Variants in PITPNM3 observed in about 807,000 individuals in gnomAD.
PITPNM3 encodes the protein membrane-associated phosphatidylinositol transfer protein 3.
Under a neutral mutation model 102.0 loss-of-function variants are expected in PITPNM3, and 26 were observed. The ratio of observed to expected loss-of-function variants is 0.25; its 90% confidence interval spans 0.19 to 0.35. The LOEUF (loss-of-function observed/expected upper bound fraction) is 0.35. Among genes scored for constraint, PITPNM3 ranks in the 10% least tolerant of loss-of-function variants. PITPNM3 has a pLI of 1.00. For missense variants in PITPNM3, 1,083 were observed against 1,346.1 expected (o/e 0.80, Z 3.06); for synonymous variants, 578 against 558.6 (o/e 1.03, Z -0.49).
chr17:6,494,332 G>A (rs1244916650), intron 4 of PITPNM3, among the ~76,000 whole-genome samples: 3 of 152,150 alleles, frequency 2.0e-5, no homozygotes, highest in African/African-American at 7.2e-5. Flanking sequence ...GGAGACTCTT[G>A]GCAGGGAAGA....
intron 2 of PITPNM3, among the ~76,000 whole-genome samples, chr17:6,531,046 T>C (rs1909117718): frequency 1.3e-5 from 2 of 152,220 alleles, no homozygotes; most frequent in Non-Finnish European, 2.9e-5. Flanking sequence ...GCACTCCCAG[T>C]AACACTATCT....
intron 4 of PITPNM3, 109 bp downstream of exon 4, chr17:6,503,418 G>T (rs1907302584): frequency 3.1e-6 from 4 of 1,277,306 alleles, no homozygotes; most frequent in South Asian, 1.2e-5. Context: ...AGATGGCAGG[G>T]ATCCTGCCAT....
intron 1 of PITPNM3, among the ~76,000 whole-genome samples, chr17:6,551,460 C>T (rs1220143819): frequency 6.6e-6 from 1 of 152,110 alleles, no homozygotes; most frequent in African/African-American, 2.4e-5. Flanking sequence ...AGTGAGTTTA[C>T]CATCTCCTTG....
At chr17:6,532,348 T>A (rs777839399) in intron 2 of PITPNM3, among the ~76,000 whole-genome samples, 46 of 152,238 alleles carry the variant, frequency 3.0e-4, no homozygotes, top group Non-Finnish European at 2.4e-4. Context: ...ATAATTGACA[T>A]TCCATCAACT....
At chr17:6,540,722 G>A (rs368352756) in intron 1 of PITPNM3, among the ~76,000 whole-genome samples, 7 of 152,250 alleles carry the variant, frequency 4.6e-5, no homozygotes, top group Admixed American at 2.6e-4. Context: ...GCAATGGTGC[G>A]ATCTTGGCTC....
intron 12 of PITPNM3, 69 bp downstream of exon 12, chr17:6,471,092 C>T: frequency 6.4e-7 from 1 of 1,571,306 alleles, no homozygotes. Flanking sequence ...TAGCAGTGGC[C>T]CAGCAAACAC....
intron 4 of PITPNM3, among the ~76,000 whole-genome samples, chr17:6,491,304 C>G (rs1280772051): frequency 6.6e-6 from 1 of 152,134 alleles, no homozygotes; most frequent in Non-Finnish European, 1.5e-5. Flanking sequence ...ATCTAAGGAA[C>G]CCATAGCTCT....
rs1023648584 is a variant in PITPNM3 at position 6,470,684 on chromosome 17, G to A, written c.1625-276C>T. Among the ~76,000 whole-genome samples, 28 of 152,138 alleles carry A rather than the reference G, an allele frequency of 1.8e-4. No individual in the cohort carries two copies. The highest frequency in any genetic ancestry group is 6.3e-4 in the African/African-American group (26 of 41,434). The stretch of plus-strand genomic sequence containing the variant: ...GACGTCCACAGTCTCACCCAGGGCC[G>A]CCGCTCAGTGGCAGTTCCCAGTGGG... On this transcript the variant is annotated intron_variant, in intron 12 of 19. Coordinates refer to ENST00000262483, the MANE Select transcript of PITPNM3 (RefSeq NM_031220.4). This position sits in a 1 kb window ranked among gnomAD's most constrained non-coding sequence, Gnocchi z 4.8.
chr17:6,485,634 A>T, intron 4 of PITPNM3, among the ~76,000 whole-genome samples: 1 of 152,236 alleles, frequency 6.6e-6, no homozygotes, highest in Non-Finnish European at 1.5e-5. Flanking sequence ...CAGAGAGTTA[A>T]GGTCGGCATT....
At chr17:6,539,040 G>T (rs536118575) in intron 1 of PITPNM3, among the ~76,000 whole-genome samples, 1 of 152,150 alleles carries the variant, frequency 6.6e-6, no homozygotes, top group Admixed American at 6.6e-5. Flanking sequence ...CCTGCCTGTC[G>T]TTCCTGCCTG....
intron 6 of PITPNM3, among the ~76,000 whole-genome samples, chr17:6,482,866 C>T (rs1007918843): frequency 6.6e-6 from 1 of 151,954 alleles, no homozygotes; most frequent in African/African-American, 2.4e-5. Flanking sequence ...TACTTGGCTG[C>T]AATCGTGTGG....
Position 6,468,213 on chromosome 17 carries a change from G to A in PITPNM3, c.1890+12C>T, listed in dbSNP as rs551342533. Reference sequence around the variant, plus strand: ...ACAGTCCCAGCCACATGCGAACTGAGCATGCACGCACCCTCAGCTTGACCT... The same window carrying A: ...ACAGTCCCAGCCACATGCGAACTGAACATGCACGCACCCTCAGCTTGACCT... On this transcript the variant is annotated intron_variant, in intron 14 of 19. Coordinates refer to ENST00000262483, the MANE Select transcript of PITPNM3 (RefSeq NM_031220.4). The surrounding 1 kb of genome is among the most constrained non-coding windows in gnomAD (Gnocchi z 5.2). 2 of 1,611,012 alleles carry A rather than the reference G, an allele frequency of 1.2e-6. No homozygotes were observed. Among genetic ancestry groups the A allele is most frequent in the African/African-American group, 1.3e-5 (1 of 74,952 alleles).
chr17:6,493,953 A>T (rs944769907), intron 4 of PITPNM3, among the ~76,000 whole-genome samples: 1 of 152,232 alleles, frequency 6.6e-6, no homozygotes, highest in Non-Finnish European at 1.5e-5. Flanking sequence ...TACAACCATG[A>T]GAAAACTCTG....
chr17:6,468,357 G>A lies in PITPNM3; in HGVS notation c.1774-16C>T. The A allele has an allele frequency of 6.2e-7, 1 of 1,612,848 alleles. No individual in the cohort carries two copies. Among genetic ancestry groups the A allele is most frequent in the African/African-American group, 1.3e-5 (1 of 75,038 alleles). On this transcript the variant is annotated splice_polypyrimidine_tract_variant and intron_variant, in intron 13 of 19. Transcript: ENST00000262483. This position sits in a 1 kb window ranked among gnomAD's most constrained non-coding sequence, Gnocchi z 5.2. ...AGCGCATTACCTAGCCAAGAGCCGA[G>A]CAGGGCCCCGGTCAGGTCTTCTGGC...
At chr17:6,464,544 C>A in intron 15 of PITPNM3, 111 bp downstream of exon 15, 1 of 1,213,894 alleles carries the variant, frequency 8.2e-7, no homozygotes, top group Non-Finnish European at 1.2e-6. Flanking sequence ...CCTGTGCTTC[C>A]ACCCCAGGCA....
At chr17:6,551,638 G>A (rs1010103938) in intron 1 of PITPNM3, among the ~76,000 whole-genome samples, 1 of 152,092 alleles carries the variant, frequency 6.6e-6, no homozygotes, top group Admixed American at 6.5e-5. Flanking sequence ...ACTTTGGGAA[G>A]CCAAAGCAGG....
At chr17:6,484,431 G>T in intron 4 of PITPNM3, 139 bp from the exon 5 acceptor site, 2 of 839,300 alleles carry the variant, frequency 2.4e-6, no homozygotes, top group Non-Finnish European at 4.0e-6. Flanking sequence ...GAGCTAGGGA[G>T]AGTCACCCCA....
chr17:6,555,023 T>A (rs1198314456), intron 1 of PITPNM3, among the ~76,000 whole-genome samples: 2 of 152,162 alleles, frequency 1.3e-5, no homozygotes, highest in African/African-American at 4.8e-5. Context: ...ACACACGCCC[T>A]GCCACAGGCC....
intron 1 of PITPNM3, among the ~76,000 whole-genome samples, chr17:6,546,734 G>T (rs1345574768): frequency 6.6e-6 from 1 of 152,264 alleles, no homozygotes; most frequent in Non-Finnish European, 1.5e-5. Flanking sequence ...GGCAGCTGTG[G>T]TGGCTCACGC....
Sources: allele counts gnomAD v4.1 joint callset (sites outside exome capture counted in the v4.1 genomes callset), GRCh38; gene constraint gnomAD v4.1.1; non-coding constraint Gnocchi (gnomAD v3.1); transcripts MANE v1.5; gene names NCBI Gene and HGNC (gene_info 2026-07-23, HGNC 2026-07-21).